Variants in SEPTIN7 observed in about 807,000 individuals in gnomAD.
SEPTIN7 encodes septin 7, also known as septin-7.
In SEPTIN7, 10 loss-of-function variants were observed where a neutral mutation model predicts 63.3. The observed-to-expected ratio is 0.16, with a 90% CI of 0.10 to 0.27. The LOEUF is 0.27. Among genes scored for constraint, SEPTIN7 ranks in the 10% least tolerant of loss-of-function variants. SEPTIN7 has a pLI of 1.00. For synonymous variants in SEPTIN7, 131 were observed against 165.3 expected (o/e 0.79, Z 1.59); for missense variants, 310 against 521.0 (o/e 0.59, Z 3.94).
chr7:35,829,448 C>G (rs1477396722), intron 1 of SEPTIN7, among the ~76,000 whole-genome samples: 1 of 152,106 alleles, frequency 6.6e-6, no homozygotes, highest in African/African-American at 2.4e-5. Flanking sequence ...AGGGCCTACC[C>G]CTTTGCCTGG....
chr7:35,826,460 T>C (rs1783522746), intron 1 of SEPTIN7, among the ~76,000 whole-genome samples: 2 of 151,268 alleles, frequency 1.3e-5, no homozygotes, highest in African/African-American at 4.8e-5. Context: ...AAAAGATCAA[T>C]GGCTATTTTT....
At chr7:35,820,671 G>C (rs1373276226) in intron 1 of SEPTIN7, among the ~76,000 whole-genome samples, 1 of 152,020 alleles carries the variant, frequency 6.6e-6, no homozygotes, top group African/African-American at 2.4e-5. Context: ...ATCTAAAATA[G>C]CAGGTTTAAA....
Position 35,905,116 on chromosome 7 carries a change from C to T in SEPTIN7, c.*823C>T, listed in dbSNP as rs1788546863. On this transcript the variant is annotated 3_prime_UTR_variant, in exon 14 of 14. Transcript: ENST00000350320. ...AATGCATTTATAGATCATTTCTAGG[C>T]AAAATTGTGAAGCTAATGACCAACC... The T allele has an allele frequency of 6.6e-6, 1 of 152,524 alleles. No individual in the cohort carries two copies. Among genetic ancestry groups the T allele is most frequent in the East Asian group, 1.9e-4 (1 of 5,198 alleles). The allele number at this position is 152,524 out of a possible 1,614,324, so 9.4% of individuals were successfully genotyped here. A position where few individuals can be genotyped will look rare whatever the true frequency, so the allele number is the denominator to read the frequency against.
At chr7:35,849,504 G>C (rs913167301) in intron 3 of SEPTIN7, among the ~76,000 whole-genome samples, 4 of 152,186 alleles carry the variant, frequency 2.6e-5, no homozygotes, top group African/African-American at 7.2e-5. Context: ...CTCACCTCCT[G>C]CTGTGTGGCC....
intron 9 of SEPTIN7, among the ~76,000 whole-genome samples, chr7:35,884,521 T>G (rs944931285): frequency 6.6e-5 from 10 of 152,166 alleles, no homozygotes; most frequent in African/African-American, 2.4e-4. Context: ...TAACTAAAAT[T>G]GAGGGGTTCT....
intron 3 of SEPTIN7, among the ~76,000 whole-genome samples, chr7:35,859,598 C>T (rs947487451): frequency 3.3e-5 from 5 of 152,148 alleles, no homozygotes; most frequent in African/African-American, 1.2e-4. Flanking sequence ...ATTGAAGTCT[C>T]CAACTATTAT....
In SEPTIN7 at chr7:35,802,526, G is replaced by A. The variant is rs549834021; in HGVS notation, c.61+1256G>A. ...AAAAAATATCTTTGTTAGTGCCCCTGAGAATGTAAATGAACAGATCATCTA... is the reference window on the plus strand; with the variant it reads ...AAAAAATATCTTTGTTAGTGCCCCTAAGAATGTAAATGAACAGATCATCTA... On this transcript the variant is annotated intron_variant, in intron 1 of 13. Transcript: ENST00000350320. Among the ~76,000 whole-genome samples, 9 of 152,316 alleles carry A rather than the reference G, an allele frequency of 5.9e-5. No homozygotes were observed. In the South Asian group the frequency reaches 1.9e-3, roughly 32 times the overall value.
intron 6 of SEPTIN7, among the ~76,000 whole-genome samples, chr7:35,876,419 T>C (rs1786475462): frequency 6.6e-6 from 1 of 152,226 alleles, no homozygotes; most frequent in South Asian, 2.1e-4. Flanking sequence ...AAATTTGTCA[T>C]GAATATGAAT....
chr7:35,828,265 C>T (rs552595403), intron 1 of SEPTIN7, among the ~76,000 whole-genome samples: 1 of 152,110 alleles, frequency 6.6e-6, no homozygotes, highest in Non-Finnish European at 1.5e-5. Flanking sequence ...TGGTATCTTT[C>T]TCTGTAGCAT....
rs1409032424 is a variant in SEPTIN7, at chr7:35,880,193, TTTCTC to T, written c.630+256_630+260del. ...TCTTTAGAATTATTTTCTTTTTTCT[TTTCTC>T]TTTTCTTTTCTTTTTTTTTCTTTTC... On this transcript the variant is annotated intron_variant, in intron 7 of 13. Transcript: ENST00000350320. Among the ~76,000 whole-genome samples the T allele has an allele frequency of 3.5e-4, 53 of 149,682 alleles. 1 individual carries two copies. Among genetic ancestry groups the T allele is most frequent in the South Asian group, 8.4e-4 (4 of 4,782 alleles).
At chr7:35,867,897 A>T (rs1485330206) in intron 4 of SEPTIN7, among the ~76,000 whole-genome samples, 2 of 148,288 alleles carry the variant, frequency 1.3e-5, no homozygotes, top group African/African-American at 2.5e-5. Flanking sequence ...TCCGAGATGG[A>T]GTCTTGCTCT....
intron 1 of SEPTIN7, chr7:35,803,293 A>G (rs1788116828): frequency 4.0e-6 from 1 of 248,138 alleles, no homozygotes; most frequent in African/African-American, 2.3e-5. Flanking sequence ...CATTTTAAGT[A>G]AATCCATGCC....
chr7:35,832,757 T>C, intron 2 of SEPTIN7, 41 bp from the exon 3 acceptor site: 1 of 1,040,332 alleles, frequency 9.6e-7, no homozygotes, highest in Non-Finnish European at 1.5e-6. Context: ...TGAATAGTAC[T>C]GTTGATACAT....
intron 3 of SEPTIN7, among the ~76,000 whole-genome samples, chr7:35,862,545 T>A (rs2116146089): frequency 6.6e-6 from 1 of 152,256 alleles, no homozygotes; most frequent in East Asian, 1.9e-4. Context: ...CATGTTACTT[T>A]CCTGTGACTT....
intron 3 of SEPTIN7, among the ~76,000 whole-genome samples, chr7:35,860,571 A>C (rs997395599): frequency 1.3e-5 from 2 of 152,046 alleles, no homozygotes; most frequent in Non-Finnish European, 2.9e-5. Context: ...TTTACTGGGG[A>C]ATGTCTTTAT....
downstream of SEPTIN7, among the ~76,000 whole-genome samples, chr7:35,907,602 A>G (rs1470447077): frequency 6.6e-6 from 1 of 152,150 alleles, no homozygotes; most frequent in East Asian, 1.9e-4. Context: ...GGTCTTAGTT[A>G]CACCAGGGCC....
At chr7:35,827,320 T>A (rs187276717) in intron 1 of SEPTIN7, among the ~76,000 whole-genome samples, 3 of 110,818 alleles carry the variant, frequency 2.7e-5, no homozygotes, top group Non-Finnish European at 5.2e-5. Context: ...CTATAAATAA[T>A]GTTCCTTATC....
Position 35,906,317 on chromosome 7 carries a change from C to G in SEPTIN7, c.*2024C>G, listed in dbSNP as rs935010148. On this transcript the variant is annotated 3_prime_UTR_variant, in exon 14 of 14. Coordinates refer to ENST00000350320, the MANE Select transcript of SEPTIN7 (RefSeq NM_001788.6). Reference sequence around the variant, plus strand: ...CCCAGGGTTTTACCTGAATCTGATACAGGATCTATATAACTTTACTAGGAC... The same window carrying G: ...CCCAGGGTTTTACCTGAATCTGATAGAGGATCTATATAACTTTACTAGGAC... 6.6e-6 allele frequency: 1 copy of G among 152,206 alleles called. No homozygotes were observed. Among genetic ancestry groups the G allele is most frequent in the Non-Finnish European group, 1.5e-5 (1 of 68,044 alleles). The allele number at this position is 152,206 out of a possible 1,614,324, so 9.4% of individuals were successfully genotyped here.
chr7:35,861,039 A>C (rs1383732952), intron 3 of SEPTIN7, among the ~76,000 whole-genome samples: 2 of 151,868 alleles, frequency 1.3e-5, no homozygotes, highest in South Asian at 2.1e-4. Flanking sequence ...CAGATTTGAT[A>C]ATTTCTGTTG....
Sources: allele counts gnomAD v4.1 joint callset (sites outside exome capture counted in the v4.1 genomes callset), GRCh38; gene constraint gnomAD v4.1.1; transcripts MANE v1.5; gene names NCBI Gene and HGNC (gene_info 2026-07-23, HGNC 2026-07-21).